COL6A5: variants seen among roughly 807,000 people sequenced by gnomAD.
COL6A5 encodes the protein collagen alpha-5(VI) chain.
Under a neutral mutation model 65.6 loss-of-function variants are expected in COL6A5, and 48 were observed. The observed-to-expected ratio is 0.73, with a 90% CI of 0.58 to 0.93. The LOEUF is 0.93. COL6A5 is among the 40% of genes least tolerant of loss of function. COL6A5 has a pLI of 0.00. For missense variants in COL6A5, 914 were observed against 928.3 expected (o/e 0.98, Z 0.20); for synonymous variants, 291 against 322.8 (o/e 0.90, Z 1.05).
At chr3:130,409,240 A>G in intron 17 of COL6A5, 86 bp from the exon 18 acceptor site, 1 of 941,216 alleles carries the variant, frequency 1.1e-6, no homozygotes, top group Non-Finnish European at 1.6e-6. Flanking sequence ...TATCTGATTA[A>G]CCCCCCTACA....
chr3:130,410,148 C>T, intron 19 of COL6A5, 74 bp downstream of exon 19: 1 of 1,108,510 alleles, frequency 9.0e-7, no homozygotes, highest in East Asian at 2.6e-5. Flanking sequence ...AGATATGTAA[C>T]CCTTCTGTAA....
intron 2 of COL6A5, 74 bp downstream of exon 2, chr3:130,373,779 G>T: frequency 2.2e-6 from 2 of 904,378 alleles, no homozygotes; most frequent in East Asian, 2.7e-5. Context: ...TAAACAGCAA[G>T]AAATAATTTA....
upstream of COL6A5, among the ~76,000 whole-genome samples, chr3:130,430,846 A>T (rs1262185855): frequency 6.6e-6 from 1 of 152,156 alleles, no homozygotes; most frequent in Non-Finnish European, 1.5e-5. Context: ...GATCCTTGCC[A>T]ATACAAGTTC....
rs1450957645 is a variant in COL6A5, at chr3:130,440,221, C to A, written c.639C>A (p.Tyr213Ter). Residue 213 changes from tyrosine to a stop codon, truncating the protein, a stop_gained, in exon 3 of 8, where the codon TAC (tyrosine) becomes TAA (stop). Coordinates refer to ENST00000512836, the Ensembl canonical transcript of COL6A5. LOFTEE classifies it high-confidence loss of function. ...AGGCTTTCTTACCTGAAGATTCATA[C>A]ATGGATGTAGTCTTCCTCATAGACA... 1.2e-6 allele frequency: 2 copies of A among 1,613,192 alleles called. No individual in the cohort carries two copies. The highest frequency in any genetic ancestry group is 3.3e-5 in the Admixed American group (2 of 59,900).
chr3:130,354,804 G>A lies in COL6A5; in HGVS notation c.-29+8823G>A, dbSNP rs1201701704. Among the ~76,000 whole-genome samples, 3 of 152,094 alleles carry A rather than the reference G, an allele frequency of 2.0e-5. No homozygotes were observed. In the East Asian group the frequency reaches 5.8e-4, roughly 29 times the overall value. The stretch of plus-strand genomic sequence containing the variant: ...CCTGAATAATATTGTAATTTCCTGC[G>A]TGTTCCATGATTTATAGCTGTGCTA... On this transcript the variant is annotated intron_variant and NMD_transcript_variant, in intron 1 of 41. Coordinates refer to the COL6A5 transcript ENST00000312481.
chr3:130,426,224 G>C (rs775117660), exon 30 of COL6A5: 2 of 1,551,222 alleles, frequency 1.3e-6, no homozygotes, highest in Non-Finnish European at 1.7e-6. Context: ...GGCATTAAAG[G>C]CATGGCAGGG....
chr3:130,373,002 CTA>C (rs1265538911), intron 1 of COL6A5, among the ~76,000 whole-genome samples: 3 of 152,090 alleles, frequency 2.0e-5, no homozygotes, highest in Non-Finnish European at 2.9e-5. Context: ...TGATTGTGAA[CTA>C]TGTGGAAAAA....
At chr3:130,396,141 G>A (rs561961366) in intron 8 of COL6A5, among the ~76,000 whole-genome samples, 10 of 152,342 alleles carry the variant, frequency 6.6e-5, no homozygotes, top group African/African-American at 2.4e-4. Flanking sequence ...CCAGCTGAGA[G>A]TGGCCACAGG....
intron 1 of COL6A5, among the ~76,000 whole-genome samples, chr3:130,351,403 C>T (rs775508405): frequency 3.9e-5 from 6 of 152,128 alleles, no homozygotes; most frequent in Non-Finnish European, 8.8e-5. Flanking sequence ...AGAATTTTTG[C>T]AATCTACCCA....
exon 3 of COL6A5, chr3:130,440,297 A>G: frequency 3.1e-6 from 5 of 1,613,360 alleles, no homozygotes; most frequent in Non-Finnish European, 4.2e-6. Context: ...AGCCTTGGTG[A>G]GCTCAGTGAT....
chr3:130,353,510 A>C (rs1365369773), intron 1 of COL6A5, among the ~76,000 whole-genome samples: 1 of 152,208 alleles, frequency 6.6e-6, no homozygotes, highest in Non-Finnish European at 1.5e-5. Flanking sequence ...GTCCAGAAGG[A>C]AAATAAAACT....
intron 1 of COL6A5, among the ~76,000 whole-genome samples, chr3:130,365,616 A>G (rs1187535217): frequency 6.6e-6 from 1 of 152,172 alleles, no homozygotes; most frequent in African/African-American, 2.4e-5. Flanking sequence ...AAACTTCTCA[A>G]CAACACAATG....
chr3:130,353,735 A>G (rs1934807544), intron 1 of COL6A5, among the ~76,000 whole-genome samples: 1 of 152,146 alleles, frequency 6.6e-6, no homozygotes, highest in South Asian at 2.1e-4. Context: ...AAAAAAAAGA[A>G]CAAAAGGAAC....
rs1284773032 is a variant in COL6A5 at position 130,440,601 on chromosome 3, G to A, written c.1019G>A (p.Gly340Glu). The A allele has an allele frequency of 5.0e-6, 8 of 1,613,436 alleles. No individual in the cohort carries two copies. In the East Asian group the frequency reaches 1.6e-4, roughly 32 times the overall value. Residue 340 changes from glycine to glutamate, a missense_variant, in exon 3 of 8, where the codon GGA becomes GAA. Coordinates refer to ENST00000512836, the Ensembl canonical transcript of COL6A5. ...AAGGTCATCTTTGTGGTCTCAGCTGGAGAAAATTATGAGAGAAAAGAATTT... is the reference window on the plus strand; with the variant it reads ...AAGGTCATCTTTGTGGTCTCAGCTGAAGAAAATTATGAGAGAAAAGAATTT...
At chr3:130,452,687 T>C (rs1370310293) in intron 4 of COL6A5, among the ~76,000 whole-genome samples, 1 of 152,182 alleles carries the variant, frequency 6.6e-6, no homozygotes, top group African/African-American at 2.4e-5. Context: ...CCATCGTCAT[T>C]GATAACATCT....
At chr3:130,461,510 C>T (rs1709700610) in intron 5 of COL6A5, among the ~76,000 whole-genome samples, 2 of 151,916 alleles carry the variant, frequency 1.3e-5, no homozygotes, top group Non-Finnish European at 2.9e-5. Flanking sequence ...GGTTAAGAAC[C>T]TCACACAAAT....
exon 6 of COL6A5, chr3:130,388,982 A>T (rs1321446155): frequency 1.3e-6 from 2 of 1,548,826 alleles, no homozygotes; most frequent in Middle Eastern, 1.7e-4. Context: ...CGGGGCAAAG[A>T]TGTGACCATC....
chr3:130,391,460 G>A (rs748642144), exon 7 of COL6A5: 36 of 1,551,582 alleles, frequency 2.3e-5, no homozygotes, highest in Non-Finnish European at 2.5e-5. Context: ...TCTCAAGCAC[G>A]CAAATGCCCT....
At chr3:130,413,212 G>A (rs1317430757) in intron 20 of COL6A5, among the ~76,000 whole-genome samples, 1 of 147,414 alleles carries the variant, frequency 6.8e-6, no homozygotes, top group Admixed American at 6.6e-5. Flanking sequence ...AGCAGACAGT[G>A]CTTTTTGGGA....
Sources: gnomAD v4.1 joint callset for allele counts (sites outside exome capture counted in the v4.1 genomes callset) on GRCh38, gnomAD v4.1.1 for gene constraint, MANE v1.5 for transcripts, NCBI Gene and HGNC (gene_info 2026-07-23, HGNC 2026-07-21) for gene names.